SLC11A1: variants seen among roughly 807,000 people sequenced by gnomAD.
SLC11A1 encodes the protein solute carrier family 11 member 1.
SLC11A1 carries 59 observed loss-of-function variants against 63.2 expected under a neutral mutation model. The ratio of observed to expected loss-of-function variants is 0.93; its 90% CI spans 0.76 to 1.16. The LOEUF is 1.16. Among genes scored for constraint, SLC11A1 ranks in the 50% most tolerant of loss-of-function variants. The probability of loss-of-function intolerance (pLI) is 0.00; values close to 1 mark genes in which losing one functional copy is unlikely to be tolerated. For synonymous variants in SLC11A1, 305 were observed against 307.8 expected (o/e 0.99, Z 0.09); for missense variants, 688 against 730.7 (o/e 0.94, Z 0.67).
intron 8 of SLC11A1, 100 bp from the exon 9 acceptor site, chr2:218,389,770 A>C (rs1250988995): frequency 7.9e-7 from 1 of 1,258,124 alleles, no homozygotes; most frequent in African/African-American, 1.5e-5. Flanking sequence ...GGACTTAAGA[A>C]GGTACTGGGC....
Position 218,387,865 on chromosome 2 carries a change from C to T in SLC11A1, c.705C>T (p.Gly235=), listed in dbSNP as rs1293907958. ...GCCTGTTCCTGCCCTCGTGCCCGGG[C>T]TGCGGCCACCCCGAGCTGCTGCAGG... is the stretch of plus-strand genomic sequence containing the variant. ...LRGLFLPSCP[G]CGHPELLQAV... is the part of the protein sequence containing the mutation. Residue 235 remains glycine, a synonymous_variant, in exon 8 of 15, where the codon GGC becomes GGT. Transcript: ENST00000233202. The T allele has an allele frequency of 6.2e-7, 1 of 1,602,070 alleles. No homozygotes were observed.
intron 8 of SLC11A1, among the ~76,000 whole-genome samples, chr2:218,389,304 T>C (rs1394918768): frequency 6.6e-6 from 1 of 151,682 alleles, no homozygotes; most frequent in Non-Finnish European, 1.5e-5. Flanking sequence ...GGCTCACACC[T>C]GTAATCTCAG....
In SLC11A1 at chr2:218,395,101, G is replaced by A. The variant is rs1696688809; in HGVS notation, c.*66G>A. The A allele has an allele frequency of 3.2e-6, 4 of 1,241,520 alleles. No individual in the cohort carries two copies. The East Asian group carries it at 7.6e-5, about 24-fold the overall frequency. 76.9% of individuals were successfully genotyped at this position (1,241,520 alleles called of 1,614,324 possible). On this transcript the variant is annotated 3_prime_UTR_variant, in exon 15 of 15. Coordinates refer to ENST00000233202, the MANE Select transcript of SLC11A1 (RefSeq NM_000578.4). The stretch of plus-strand genomic sequence containing the variant: ...GACTGGCCTGCTGGATGTGGAGGGG[G>A]CGCGTGCAGGCAGCAGGATAGAGTG...
chr2:218,393,198 G>A lies in SLC11A1; in HGVS notation c.1314+68G>A, dbSNP rs181193448. The stretch of plus-strand genomic sequence containing the variant: ...AAACAGGACCTCCAGCAACCCCCAC[G>A]CTGAGCCTTGCATGGGCCTGCCAGG... On this transcript the variant is annotated intron_variant, in intron 12 of 14. Coordinates refer to ENST00000233202, the MANE Select transcript of SLC11A1 (RefSeq NM_000578.4). 337 of 1,403,752 alleles carry A rather than the reference G, an allele frequency of 2.4e-4. 1 individual carries two copies. Among genetic ancestry groups the A allele is most frequent in the Admixed American group, 5.8e-4 (20 of 34,460 alleles). The allele number at this position is 1,403,752 out of a possible 1,614,324, so 87.0% of individuals were successfully genotyped here. A position where few individuals can be genotyped will look rare whatever the true frequency, so the allele number is the denominator to read the frequency against.
chr2:218,384,058 C>CAG lies in SLC11A1; in HGVS notation c.151-182_151-181dup. 1 of 491,516 alleles carries CAG rather than the reference C, an allele frequency of 2.0e-6. No individual in the cohort carries two copies. Among genetic ancestry groups the CAG allele is most frequent in the Non-Finnish European group, 3.5e-6 (1 of 285,446 alleles). 30.4% of individuals were successfully genotyped at this position (491,516 alleles called of 1,614,324 possible). A position where few individuals can be genotyped will look rare whatever the true frequency, so the allele number is the denominator to read the frequency against. On this transcript the variant is annotated intron_variant, in intron 2 of 14. Transcript: ENST00000233202. The surrounding 1 kb of genome is among the most constrained non-coding windows in gnomAD (Gnocchi z 4.0). ...CAGAAAAAGATCCTCTGTGACTCAT[C>CAG]AGAGCATGCTGCTTCCTCCACCCAT...
Position 218,394,666 on chromosome 2 carries a change from C to G in SLC11A1, c.1423C>G (p.Leu475Val). 1.2e-6 allele frequency: 2 copies of G among 1,614,068 alleles called. No homozygotes were observed. Among genetic ancestry groups the G allele is most frequent in the Non-Finnish European group, 1.7e-6 (2 of 1,180,026 alleles). Residue 475 changes from leucine to valine, a missense_variant, in exon 14 of 15, where the codon CTA becomes GTA. By Grantham distance (32) the Leu-to-Val change is conservative (BLOSUM62 1). Transcript: ENST00000233202. ...GGTCGTCACCTCTTCCATCATGGTG[C>G]TAGTCTGCGCCATCAACCTCTACTT... is the stretch of plus-strand genomic sequence containing the variant. Reference protein sequence around the residue: ...NKVVTSSIMVLVCAINLYFVV... With the variant: ...NKVVTSSIMVVVCAINLYFVV...
chr2:218,384,433 C>T lies in SLC11A1; in HGVS notation c.273+68C>T. On this transcript the variant is annotated intron_variant, in intron 3 of 14. Coordinates refer to ENST00000233202, the MANE Select transcript of SLC11A1 (RefSeq NM_000578.4). This position sits in a 1 kb window ranked among gnomAD's most constrained non-coding sequence, Gnocchi z 4.0. ...GGTGACCAGGCTAAGTGTTGAAGGC[C>T]CCTGCTGGCCATGTTTCTCCAATGT... The T allele has an allele frequency of 6.6e-7, 1 of 1,522,912 alleles. No homozygotes were observed. The highest frequency in any genetic ancestry group is 1.8e-5 in the Admixed American group (1 of 54,188). The allele number at this position is 1,522,912 out of a possible 1,614,324, so 94.3% of individuals were successfully genotyped here.
chr2:218,390,384 A>G (rs1465229641), intron 9 of SLC11A1, among the ~76,000 whole-genome samples: 2 of 152,176 alleles, frequency 1.3e-5, no homozygotes, highest in East Asian at 3.9e-4. Context: ...GCATTAGCCC[A>G]GGTGGTCAGG....
chr2:218,387,258 AGTG>A (rs754480755), intron 6 of SLC11A1, 28 bp downstream of exon 6: 4 of 1,591,304 alleles, frequency 2.5e-6, no homozygotes, highest in Middle Eastern at 1.7e-4. Context: ...CTCATAGGGG[AGTG>A]GTGGTGGTGA....
chr2:218,383,059 A>C lies in SLC11A1; in HGVS notation c.107A>C (p.Glu36Ala), dbSNP rs1392673449. ...SPGPQQAPPR[E>A]TYLSEKIPIP... is the part of the protein sequence containing the mutation. ...GGGCCACAGCAAGCACCTCCCAGAG[A>C]GACCTACCTGAGTGAGAAGATCCCC... is the stretch of plus-strand genomic sequence containing the variant. The change falls in exon 2 of 15, where the codon GAG (glutamate) becomes GCG (alanine). Residue 36 changes from glutamate (E) to alanine (A), a missense_variant. Coordinates refer to ENST00000233202, the MANE Select transcript of SLC11A1 (RefSeq NM_000578.4). 19 of 1,613,922 alleles carry C rather than the reference A, an allele frequency of 1.2e-5. No homozygotes were observed. The highest frequency in any genetic ancestry group is 1.6e-5 in the Non-Finnish European group (19 of 1,179,992).
chr2:218,387,952 C>T lies in SLC11A1; in HGVS notation c.792C>T (p.Val264=). 1 of 1,604,674 alleles carries T rather than the reference C, an allele frequency of 6.2e-7. No homozygotes were observed. Among genetic ancestry groups the T allele is most frequent in the Non-Finnish European group, 8.5e-7 (1 of 1,174,908 alleles). Residue 264 remains valine (V), a synonymous_variant, in exon 8 of 15, where the codon GTC becomes GTT. Transcript: ENST00000233202. ...PHNIYLHSAL[V]KSREIDRARR... is the part of the protein sequence containing the mutation. ...ACATCTACCTGCACTCGGCCCTGGT[C>T]AAGGTGAGCAGAGGGGAGGGGAAAG...
At chr2:218,383,939 A>G in intron 2 of SLC11A1, 1 of 200,800 alleles carries the variant, frequency 5.0e-6, no homozygotes, top group Non-Finnish European at 1.0e-5. Flanking sequence ...TCACCCCCTT[A>G]GACAGCCCCC....
chr2:218,392,061 TTTTC>T (rs999941400), intron 11 of SLC11A1: 38 of 387,456 alleles, frequency 9.8e-5, no homozygotes, highest in Non-Finnish European at 1.2e-4. Flanking sequence ...CGGCCTTTTC[TTTTC>T]TTTCTTTCTT....
rs1477572296 is a variant in SLC11A1, at chr2:218,391,489, G to C, written c.1158G>C (p.Val386=). The change falls in exon 11 of 15, where the codon GTG becomes GTC. Residue 386 remains valine (V), a synonymous_variant. Transcript: ENST00000233202. Reference sequence around the variant, plus strand: ...CGGGCACCTACGCGGGACAGTTCGTGATGGAGGTAGGGCAGGGGGCGGGCC... The same window carrying C: ...CGGGCACCTACGCGGGACAGTTCGTCATGGAGGTAGGGCAGGGGGCGGGCC... ...TMTGTYAGQF[V]MEGFLRLRWS... is the part of the protein sequence containing the mutation. 1 of 1,593,072 alleles carries C rather than the reference G, an allele frequency of 6.3e-7. No homozygotes were observed. Among genetic ancestry groups the C allele is most frequent in the Non-Finnish European group, 8.5e-7 (1 of 1,170,052 alleles).
At chr2:218,392,064 T>A in intron 11 of SLC11A1, 2 of 375,666 alleles carry the variant, frequency 5.3e-6, no homozygotes, top group South Asian at 3.8e-5. Context: ...CCTTTTCTTT[T>A]CTTTCTTTCT....
chr2:218,394,473 G>C, intron 13 of SLC11A1, 159 bp from the exon 14 acceptor site: 1 of 816,466 alleles, frequency 1.2e-6, no homozygotes, highest in South Asian at 1.7e-5. Context: ...CCAGGAGGCA[G>C]GAGGTGGGGA....
Position 218,385,192 on chromosome 2 carries a change from C to T in SLC11A1, c.319C>T (p.Gln107Ter), listed in dbSNP as rs201488858. Residue 107 changes from glutamine to a stop codon, truncating the protein, a stop_gained, in exon 4 of 15, where the codon CAG (glutamine) becomes TAG (stop). Transcript: ENST00000233202. LOFTEE classifies it high-confidence loss of function. ...LWATVLGLLCQRLAARLGVVT... is the reference protein window; with the variant it reads ...LWATVLGLLC ...GGCCACCGTGTTGGGCTTGCTCTGCCAGCGACTGGCTGCACGTCTGGGCGT... is the reference window on the plus strand; with the variant it reads ...GGCCACCGTGTTGGGCTTGCTCTGCTAGCGACTGGCTGCACGTCTGGGCGT... The T allele has an allele frequency of 1.9e-6, 3 of 1,614,086 alleles. No individual in the cohort carries two copies. Among genetic ancestry groups the T allele is most frequent in the East Asian group, 2.2e-5 (1 of 44,878 alleles).
chr2:218,395,319 C>A lies in SLC11A1; in HGVS notation c.*284C>A. ...AAAAACAAACAAACGAAAAACATTT[C>A]AAAAGGTATTTATTGAGCACCTGCA... is the stretch of plus-strand genomic sequence containing the variant. On this transcript the variant is annotated 3_prime_UTR_variant, in exon 15 of 15. Coordinates refer to ENST00000233202, the MANE Select transcript of SLC11A1 (RefSeq NM_000578.4). 19 of 383,128 alleles carry A rather than the reference C, an allele frequency of 5.0e-5. No homozygotes were observed. Among genetic ancestry groups the A allele is most frequent in the Non-Finnish European group, 5.3e-5 (11 of 207,554 alleles). 23.7% of individuals were successfully genotyped at this position (383,128 alleles called of 1,614,324 possible). A position where few individuals can be genotyped will look rare whatever the true frequency, so the allele number is the denominator to read the frequency against.
In SLC11A1 at chr2:218,384,421, A is replaced by C. The variant is rs984015574; in HGVS notation, c.273+56A>C. 6.4e-7 allele frequency: 1 copy of C among 1,554,610 alleles called. No homozygotes were observed. Among genetic ancestry groups the C allele is most frequent in the Non-Finnish European group, 8.8e-7 (1 of 1,138,796 alleles). ...TTTCGAGAGGGAGGTGACCAGGCTA[A>C]GTGTTGAAGGCCCCTGCTGGCCATG... On this transcript the variant is annotated intron_variant, in intron 3 of 14. Transcript: ENST00000233202. This position sits in a 1 kb window ranked among gnomAD's most constrained non-coding sequence, Gnocchi z 4.0.
Sources: gnomAD v4.1 joint callset for allele counts (sites outside exome capture counted in the v4.1 genomes callset) on GRCh38, gnomAD v4.1.1 for gene constraint, Gnocchi (gnomAD v3.1) non-coding constraint, MANE v1.5 for transcripts, NCBI Gene and HGNC (gene_info 2026-07-23, HGNC 2026-07-21) for gene names.